Variants in IPCEF1 observed in about 807,000 individuals in gnomAD.
IPCEF1 encodes interaction protein for cytohesin exchange factors 1.
Under a neutral mutation model 50.9 loss-of-function variants are expected in IPCEF1, and 31 were observed. The ratio of observed to expected loss-of-function variants is 0.61; its 90% CI spans 0.46 to 0.82. IPCEF1 has a LOEUF of 0.82. IPCEF1 is among the 40% of genes least tolerant of loss of function. The pLI, the probability that IPCEF1 is intolerant of heterozygous loss-of-function variation, is 0.00. For synonymous variants in IPCEF1, 181 were observed against 192.0 expected (o/e 0.94, Z 0.47); for missense variants, 458 against 514.0 (o/e 0.89, Z 1.05).
chr6:154,323,707 C>A (rs573010034), intron 1 of IPCEF1, among the ~76,000 whole-genome samples: 3 of 152,288 alleles, frequency 2.0e-5, no homozygotes, highest in South Asian at 2.1e-4. Context: ...AATCCCAACA[C>A]TTTGGGAGGC....
intron 9 of IPCEF1, among the ~76,000 whole-genome samples, chr6:154,206,767 G>C (rs937388008): frequency 5.3e-5 from 8 of 152,234 alleles, no homozygotes; most frequent in Admixed American, 3.9e-4. Flanking sequence ...GTGGGAGTCA[G>C]GGGCAAGTGG....
rs1362149452 is a variant in IPCEF1 at position 154,156,926 on chromosome 6, A to G, written c.*2902T>C. On this transcript the variant is annotated 3_prime_UTR_variant, in exon 12 of 12. Coordinates refer to ENST00000367220, the MANE Select transcript of IPCEF1 (RefSeq NM_001130700.2). ...AATCCTAATCTTTAGCAGGTGCCAC[A>G]GATTTGGATCTACGTGTGCTGAGAG... is the stretch of plus-strand genomic sequence containing the variant. 6.6e-6 allele frequency: 1 copy of G among 152,274 alleles called. No individual in the cohort carries two copies. The highest frequency in any genetic ancestry group is 1.5e-5 in the Non-Finnish European group (1 of 68,090). 9.4% of individuals were successfully genotyped at this position (152,274 alleles called of 1,614,324 possible). A position where few individuals can be genotyped will look rare whatever the true frequency, so the allele number is the denominator to read the frequency against.
chr6:154,237,686 A>G (rs535924999), intron 5 of IPCEF1, among the ~76,000 whole-genome samples: 1 of 152,304 alleles, frequency 6.6e-6, no homozygotes, highest in African/African-American at 2.4e-5. Flanking sequence ...ACCTCATAAT[A>G]AAGTACAGGA....
intron 3 of IPCEF1, among the ~76,000 whole-genome samples, chr6:154,248,311 G>A (rs1405172657): frequency 1.4e-5 from 2 of 146,040 alleles, no homozygotes; most frequent in African/African-American, 5.2e-5. Context: ...AAATACGTGT[G>A]TGTGTGTGTG....
At chr6:154,238,862 T>G (rs1780349640) in intron 5 of IPCEF1, among the ~76,000 whole-genome samples, 1 of 151,888 alleles carries the variant, frequency 6.6e-6, no homozygotes, top group Non-Finnish European at 1.5e-5. Flanking sequence ...TATAATCTTT[T>G]AAAGCATTTT....
intron 5 of IPCEF1, among the ~76,000 whole-genome samples, chr6:154,228,472 C>T (rs893168028): frequency 6.6e-6 from 1 of 152,178 alleles, no homozygotes; most frequent in African/African-American, 2.4e-5. Context: ...AGAAGAAACA[C>T]GTTCCTTTTC....
intron 5 of IPCEF1, among the ~76,000 whole-genome samples, chr6:154,227,162 C>T (rs1054092678): frequency 4.6e-5 from 7 of 152,174 alleles, no homozygotes; most frequent in East Asian, 3.9e-4. Flanking sequence ...CAAGACCGCA[C>T]CACTGCACTC....
chr6:154,256,732 C>T (rs1158959013), intron 3 of IPCEF1, among the ~76,000 whole-genome samples: 3 of 152,168 alleles, frequency 2.0e-5, no homozygotes, highest in Admixed American at 6.5e-5. Context: ...GAGAATCTTG[C>T]ACACATGGTC....
intron 10 of IPCEF1, among the ~76,000 whole-genome samples, chr6:154,180,667 C>G (rs1800796021): frequency 6.6e-6 from 1 of 152,026 alleles, no homozygotes; most frequent in Admixed American, 6.6e-5. Flanking sequence ...TCAACTCTGC[C>G]TCCCCCACTA....
intron 2 of IPCEF1, among the ~76,000 whole-genome samples, chr6:154,279,985 C>A (rs545823605): frequency 6.6e-6 from 1 of 152,230 alleles, no homozygotes; most frequent in African/African-American, 2.4e-5. Flanking sequence ...CAGGGAAATG[C>A]AAGGCAGAAC....
intron 5 of IPCEF1, among the ~76,000 whole-genome samples, chr6:154,231,193 T>C (rs1036284740): frequency 1.3e-5 from 2 of 152,228 alleles, no homozygotes; most frequent in Non-Finnish European, 1.5e-5. Context: ...AAATCTGAAT[T>C]ATATTCTTTA....
At chr6:154,260,973 G>A (rs1193267165) in intron 3 of IPCEF1, among the ~76,000 whole-genome samples, 2 of 152,144 alleles carry the variant, frequency 1.3e-5, no homozygotes, top group Non-Finnish European at 2.9e-5. Context: ...GAAGTCTGGG[G>A]ATAGTGCCAA....
chr6:154,322,050 C>T (rs114676806), intron 1 of IPCEF1, among the ~76,000 whole-genome samples: 3,248 of 152,094 alleles, frequency 0.021, 123 homozygotes, highest in African/African-American at 0.074. Flanking sequence ...ATTTGAAATT[C>T]AATCAATATA....
chr6:154,214,237 T>C lies in IPCEF1; in HGVS notation c.432A>G (p.Glu144=). ...ACATACCTTCATCCTTTGTAGTGGATTCCTGATGGATTACAGCCGATCCAA... is the reference window on the plus strand; with the variant it reads ...ACATACCTTCATCCTTTGTAGTGGACTCCTGATGGATTACAGCCGATCCAA... ...NKLGSAVIHQ[E]STTKDEECYS... is the part of the protein sequence containing the mutation. Residue 144 remains glutamate, a synonymous_variant, in exon 8 of 12, where the codon GAA becomes GAG. Coordinates refer to ENST00000367220, the MANE Select transcript of IPCEF1 (RefSeq NM_001130700.2). 6.2e-7 allele frequency: 1 copy of C among 1,609,892 alleles called. No homozygotes were observed. The highest frequency in any genetic ancestry group is 8.5e-7 in the Non-Finnish European group (1 of 1,176,100).
chr6:154,341,774 A>G (rs554864360), intron 1 of IPCEF1, among the ~76,000 whole-genome samples: 1 of 152,316 alleles, frequency 6.6e-6, no homozygotes, highest in East Asian at 1.9e-4. Context: ...ACCTTTACAG[A>G]TTGTGTGGAT....
chr6:154,199,959 T>C lies in IPCEF1; in HGVS notation c.619A>G (p.Thr207Ala). The change falls in exon 10 of 12, where the codon ACA becomes GCA. Residue 207 changes from threonine (T) to alanine (A), a missense_variant. Coordinates refer to ENST00000367220, the MANE Select transcript of IPCEF1 (RefSeq NM_001130700.2). ...SFSSLENTVK[T>A]PSSFPSSLSK... The stretch of plus-strand genomic sequence containing the variant: ...AAGGAGGAAGGAAAACTGCTGGGTG[T>C]CTTCACTGTATTTTCCAGGGAAGAG... The C allele has an allele frequency of 6.2e-7, 1 of 1,614,206 alleles. No individual in the cohort carries two copies. Among genetic ancestry groups the C allele is most frequent in the Non-Finnish European group, 8.5e-7 (1 of 1,180,034 alleles).
intron 3 of IPCEF1, among the ~76,000 whole-genome samples, chr6:154,249,285 A>G (rs1353024932): frequency 6.6e-6 from 1 of 152,260 alleles, no homozygotes; most frequent in East Asian, 1.9e-4. Context: ...TTTTTTTGAT[A>G]TGCCAATTCT....
intron 1 of IPCEF1, among the ~76,000 whole-genome samples, chr6:154,344,891 G>T (rs1783997209): frequency 1.3e-5 from 2 of 152,248 alleles, no homozygotes; most frequent in South Asian, 4.1e-4. Context: ...TTTTGTTGTT[G>T]TTGTTCTTTT....
At chr6:154,205,687 G>A (rs1777435195) in intron 9 of IPCEF1, among the ~76,000 whole-genome samples, 1 of 152,212 alleles carries the variant, frequency 6.6e-6, no homozygotes, top group Admixed American at 6.5e-5. Context: ...ATATGCTGCT[G>A]AATTTGAGCG....
Sources: gnomAD v4.1 joint callset for allele counts (sites outside exome capture counted in the v4.1 genomes callset) on GRCh38, gnomAD v4.1.1 for gene constraint, MANE v1.5 for transcripts, NCBI Gene and HGNC (gene_info 2026-07-23, HGNC 2026-07-21) for gene names.